Variants in RELN observed in about 807,000 individuals in gnomAD.
RELN encodes the protein reelin.
In RELN, 108 loss-of-function variants were observed where a neutral mutation model predicts 427.6. That is an observed-to-expected ratio of 0.25 (90% CI 0.22 to 0.30). RELN has a LOEUF of 0.30. Ranked by LOEUF, RELN falls within the 10% of genes least tolerant of loss-of-function variation. The pLI is 1.00. For missense variants in RELN, 3,715 were observed against 4,302.8 expected (o/e 0.86, Z 3.82); for synonymous variants, 1,524 against 1,513.4 (o/e 1.01, Z -0.16).
chr7:103,802,519 G>C (rs1792493728), intron 3 of RELN, among the ~76,000 whole-genome samples: 3 of 152,218 alleles, frequency 2.0e-5, no homozygotes, highest in African/African-American at 7.2e-5. Flanking sequence ...AGATTCACCA[G>C]AATTTAAATT....
intron 46 of RELN, among the ~76,000 whole-genome samples, chr7:103,531,026 A>G (rs1829926653): frequency 6.6e-6 from 1 of 152,226 alleles, no homozygotes; most frequent in African/African-American, 2.4e-5. Context: ...GTGACTTAGG[A>G]AAACTTCTTA....
rs961167580 is a variant in RELN, at chr7:103,590,132, A to G, written c.3913-304T>C. On this transcript the variant is annotated intron_variant, in intron 27 of 64. Transcript: ENST00000428762. The stretch of plus-strand genomic sequence containing the variant: ...GTCTCAGACAAAAGATATGCCAAGA[A>G]GCTGCTTTTTTCTCCCTCCTCAGAG... 2.6e-5 allele frequency among the ~76,000 whole-genome samples: 4 copies of G among 152,214 alleles called. No individual in the cohort carries two copies. In the East Asian group the frequency reaches 5.8e-4, roughly 22 times the overall value.
At position 103,635,410 on chromosome 7, in the gene RELN, T is replaced by C. The variant is rs1262416930; in HGVS notation, c.2465+15A>G. The stretch of plus-strand genomic sequence containing the variant: ...TTCACTCTACAACCATTTTTCCAAA[T>C]GCTTTCCAACATACCTGGGCTCATG... On this transcript the variant is annotated intron_variant, in intron 19 of 64. Transcript: ENST00000428762. 12 of 1,613,350 alleles carry C rather than the reference T, an allele frequency of 7.4e-6. No homozygotes were observed. The African/African-American group carries it at 9.3e-5, about 13-fold the overall frequency.
intron 18 of RELN, among the ~76,000 whole-genome samples, chr7:103,635,917 T>A (rs1411821477): frequency 1.3e-5 from 2 of 152,192 alleles, no homozygotes; most frequent in Non-Finnish European, 2.9e-5. Flanking sequence ...AGAGTAAATC[T>A]AATCAGCCTC....
intron 2 of RELN, among the ~76,000 whole-genome samples, chr7:103,843,670 T>C (rs1793609299): frequency 6.6e-6 from 1 of 152,212 alleles, no homozygotes; most frequent in African/African-American, 2.4e-5. Context: ...TTTGTCCTCT[T>C]GGTAGACACA....
chr7:103,743,112 A>G (rs547028209), intron 6 of RELN, among the ~76,000 whole-genome samples: 3,040 of 148,840 alleles, frequency 0.02, 125 homozygotes, highest in African/African-American at 0.075. Flanking sequence ...AATATTCAAC[A>G]TTCTTAAAGA....
chr7:103,680,661 G>A (rs116735718), intron 11 of RELN, among the ~76,000 whole-genome samples: 7,285 of 151,944 alleles, frequency 0.048, 462 homozygotes, highest in African/African-American at 0.14. Flanking sequence ...TCTTAGAAGA[G>A]CTAGAAGGGA....
At chr7:103,882,037 A>C (rs1042614889) in intron 2 of RELN, among the ~76,000 whole-genome samples, 1 of 152,250 alleles carries the variant, frequency 6.6e-6, no homozygotes, top group African/African-American at 2.4e-5. Flanking sequence ...TGAATGAGCG[A>C]GTCCATCAAC....
intron 1 of RELN, among the ~76,000 whole-genome samples, chr7:103,972,315 T>C (rs752336023): frequency 2.1e-4 from 32 of 152,210 alleles, no homozygotes; most frequent in Non-Finnish European, 3.7e-4. Context: ...CATGCACGTA[T>C]GCAAATTAAA....
intron 1 of RELN, among the ~76,000 whole-genome samples, chr7:103,963,450 A>G (rs980721908): frequency 1.3e-5 from 2 of 152,222 alleles, no homozygotes; most frequent in Non-Finnish European, 2.9e-5. Flanking sequence ...GTCTTCATAG[A>G]CATTATCTAT....
chr7:103,790,962 A>AAAAC (rs576419480), intron 3 of RELN, among the ~76,000 whole-genome samples: 2 of 152,110 alleles, frequency 1.3e-5, no homozygotes, highest in African/African-American at 4.8e-5. Flanking sequence ...CTCTGTCTCA[A>AAAAC]AAACAAACAA....
At chr7:103,593,627 C>A (rs2117248384) in intron 27 of RELN, 55 bp downstream of exon 27, 3 of 1,438,840 alleles carry the variant, frequency 2.1e-6, no homozygotes, top group East Asian at 4.6e-5. Context: ...ACTTATACAT[C>A]TGGAAGATAT....
intron 1 of RELN, among the ~76,000 whole-genome samples, chr7:103,931,804 C>T (rs1192814649): frequency 1.3e-5 from 2 of 152,174 alleles, no homozygotes; most frequent in East Asian, 1.9e-4. Flanking sequence ...GTCCAGGCAG[C>T]ACTACACTCC....
At chr7:103,778,890 G>A (rs262344) in intron 3 of RELN, among the ~76,000 whole-genome samples, 4,440 of 152,120 alleles carry the variant, frequency 0.029, 200 homozygotes, top group African/African-American at 0.1. Flanking sequence ...AAAATTACGG[G>A]GCTCCACACT....
Position 103,824,275 on chromosome 7 carries a change from C to A in RELN, c.473+9262G>T, listed in dbSNP as rs1283432698. 1.3e-5 allele frequency among the ~76,000 whole-genome samples: 2 copies of A among 152,054 alleles called. No individual in the cohort carries two copies. The highest frequency in any genetic ancestry group is 4.8e-5 in the African/African-American group (2 of 41,428). ...TAATTTCTTCACTTGGAGTTCTGCACAGATTACTAATGTAAAGCTAGACTC... is the reference window on the plus strand; with the variant it reads ...TAATTTCTTCACTTGGAGTTCTGCAAAGATTACTAATGTAAAGCTAGACTC... On this transcript the variant is annotated intron_variant, in intron 3 of 64. Coordinates refer to ENST00000428762, the MANE Select transcript of RELN (RefSeq NM_005045.4). The surrounding 1 kb of genome is among the most constrained non-coding windows in gnomAD (Gnocchi z 4.4).
At chr7:103,560,176 T>G (rs888697190) in intron 36 of RELN, among the ~76,000 whole-genome samples, 5 of 152,254 alleles carry the variant, frequency 3.3e-5, no homozygotes, top group Non-Finnish European at 7.3e-5. Flanking sequence ...TTTTTCAGGT[T>G]CAGTGATCCA....
chr7:103,954,810 G>A (rs2116773200), intron 1 of RELN, among the ~76,000 whole-genome samples: 1 of 152,282 alleles, frequency 6.6e-6, no homozygotes, highest in South Asian at 2.1e-4. Context: ...TCTAGATACA[G>A]ACTAAACTTC....
At chr7:103,790,510 T>C (rs1250839533) in intron 3 of RELN, among the ~76,000 whole-genome samples, 1 of 152,278 alleles carries the variant, frequency 6.6e-6, no homozygotes, top group East Asian at 1.9e-4. Context: ...AAGCACTTAA[T>C]GCTTTTGTTA....
intron 22 of RELN, among the ~76,000 whole-genome samples, chr7:103,605,529 A>G (rs1486535584): frequency 2.0e-5 from 3 of 152,208 alleles, no homozygotes; most frequent in African/African-American, 7.2e-5. Context: ...GACTGCTATA[A>G]AACATTCTTT....
Sources: gnomAD v4.1 joint callset for allele counts (sites outside exome capture counted in the v4.1 genomes callset) on GRCh38, gnomAD v4.1.1 for gene constraint, Gnocchi (gnomAD v3.1) non-coding constraint, MANE v1.5 for transcripts, NCBI Gene and HGNC (gene_info 2026-07-23, HGNC 2026-07-21) for gene names.